The following CNTNAP2 variants were observed in gnomAD, a reference collection of about 807,000 sequenced individuals.
CNTNAP2 encodes contactin associated protein 2.
A neutral mutation model predicts 155.2 loss-of-function variants in CNTNAP2; 98 were observed. That is an observed-to-expected ratio of 0.63 (90% CI 0.54 to 0.75). The LOEUF is 0.75. Ranked by LOEUF, CNTNAP2 falls within the 30% of genes least tolerant of loss-of-function variation. The pLI is 0.00. For missense variants in CNTNAP2, 1,727 were observed against 1,688.1 expected, an observed-to-expected ratio of 1.02 and a Z score of -0.40; for synonymous variants, 651 against 631.2, an observed-to-expected ratio of 1.03 and a Z score of -0.47.
chr7:146,787,692 G>A (rs547138262), intron 2 of CNTNAP2, among the ~76,000 whole-genome samples: 3 of 152,282 alleles, frequency 2.0e-5, no homozygotes, highest in African/African-American at 4.8e-5. Context: ...GCTGGCTGGG[G>A]TGGCCTGCTT....
chr7:147,050,289 A>G (rs550846802), intron 4 of CNTNAP2, among the ~76,000 whole-genome samples: 2 of 152,340 alleles, frequency 1.3e-5, no homozygotes, highest in South Asian at 4.1e-4. Flanking sequence ...TTACTCAAAC[A>G]TTCATTTTAA....
At chr7:147,941,600 T>G (rs1800723022) in intron 14 of CNTNAP2, among the ~76,000 whole-genome samples, 1 of 152,232 alleles carries the variant, frequency 6.6e-6, no homozygotes, top group African/African-American at 2.4e-5. Context: ...CACAAACATG[T>G]CGATTCTCTT....
intron 9 of CNTNAP2, among the ~76,000 whole-genome samples, chr7:147,381,550 G>T (rs982352672): frequency 1.3e-5 from 2 of 152,008 alleles, no homozygotes; most frequent in South Asian, 4.2e-4. Context: ...ACACAACTAG[G>T]TCATGAAAAA....
intron 13 of CNTNAP2, among the ~76,000 whole-genome samples, chr7:147,702,717 T>A (rs1031906719): frequency 6.6e-6 from 1 of 152,068 alleles, no homozygotes; most frequent in African/African-American, 2.4e-5. Context: ...TCGTTAATGT[T>A]TGGGTCTGCA....
At chr7:147,193,115 A>T (rs1191311923) in intron 8 of CNTNAP2, among the ~76,000 whole-genome samples, 1 of 152,208 alleles carries the variant, frequency 6.6e-6, no homozygotes, top group Admixed American at 6.5e-5. Context: ...TTAGTAGTTA[A>T]TTACTCGTTG....
rs188962516 is a variant in CNTNAP2 at position 146,320,228 on chromosome 7, C to A, written c.97+203255C>A. ...CATATATTTAATTTTGAATTTTTTT[C>A]TAGCTATAACCTGAACTTTGCAGAT... is the stretch of plus-strand genomic sequence containing the variant. On this transcript the variant is annotated intron_variant, in intron 1 of 23. Transcript: ENST00000361727. 2.0e-5 allele frequency among the ~76,000 whole-genome samples: 3 copies of A among 152,006 alleles called. No individual in the cohort carries two copies. In the East Asian group the frequency reaches 5.8e-4, roughly 29 times the overall value.
At chr7:148,280,349 G>C (rs1796950983) in intron 21 of CNTNAP2, among the ~76,000 whole-genome samples, 1 of 152,080 alleles carries the variant, frequency 6.6e-6, no homozygotes, top group Non-Finnish European at 1.5e-5. Flanking sequence ...TCTGCAGTGG[G>C]AATTATTCAT....
At chr7:148,022,048 ACT>A (rs1183420749) in intron 15 of CNTNAP2, among the ~76,000 whole-genome samples, 1 of 151,776 alleles carries the variant, frequency 6.6e-6, no homozygotes, top group African/African-American at 2.4e-5. Flanking sequence ...CTCCCTGGAC[ACT>A]CTCTTTCTAG....
chr7:148,374,052 A>G (rs1344570351), intron 21 of CNTNAP2, among the ~76,000 whole-genome samples: 1 of 152,168 alleles, frequency 6.6e-6, no homozygotes, highest in Non-Finnish European at 1.5e-5. Flanking sequence ...GAACCATCCA[A>G]TACACTTTCC....
At chr7:146,402,378 C>G (rs766503) in intron 1 of CNTNAP2, among the ~76,000 whole-genome samples, 81,288 of 151,924 alleles carry the variant, frequency 0.54, 25,435 homozygotes, top group African/African-American at 0.87. Flanking sequence ...AGATCAGAGA[C>G]AATCTCTCCT....
At chr7:148,143,066 C>A (rs1451164345) in intron 16 of CNTNAP2, among the ~76,000 whole-genome samples, 2 of 152,140 alleles carry the variant, frequency 1.3e-5, no homozygotes, top group East Asian at 3.8e-4. Context: ...TCTAAAATTA[C>A]CATTAAGACC....
intron 1 of CNTNAP2, among the ~76,000 whole-genome samples, chr7:146,749,246 C>T (rs73170314): frequency 0.16 from 24,384 of 151,766 alleles, 2,343 homozygotes; most frequent in East Asian, 0.37. Flanking sequence ...TGTATCTATA[C>T]ATATATGTGT....
chr7:146,335,323 G>A lies in CNTNAP2; in HGVS notation c.97+218350G>A, dbSNP rs553377583. The stretch of plus-strand genomic sequence containing the variant: ...TGAAAATGAATACATTTTATTACAT[G>A]TAAATTCTTAAGAGATGTAATTTTA... On this transcript the variant is annotated intron_variant, in intron 1 of 23. Coordinates refer to ENST00000361727, the MANE Select transcript of CNTNAP2 (RefSeq NM_014141.6). 4.6e-5 allele frequency among the ~76,000 whole-genome samples: 7 copies of A among 152,260 alleles called. No homozygotes were observed. In the South Asian group the frequency reaches 1.5e-3, roughly 32 times the overall value.
At chr7:147,235,529 T>C (rs1803781950) in intron 8 of CNTNAP2, among the ~76,000 whole-genome samples, 1 of 152,184 alleles carries the variant, frequency 6.6e-6, no homozygotes, top group Non-Finnish European at 1.5e-5. Flanking sequence ...CTTTGAAATA[T>C]AAATGCCTTC....
intron 15 of CNTNAP2, among the ~76,000 whole-genome samples, chr7:148,061,468 C>T (rs1231188976): frequency 1.3e-5 from 2 of 152,112 alleles, no homozygotes; most frequent in African/African-American, 4.8e-5. Context: ...AGTCTCCTGC[C>T]TCAGTTTCCC....
At chr7:148,325,504 C>T (rs79927015) in intron 21 of CNTNAP2, among the ~76,000 whole-genome samples, 3,076 of 152,300 alleles carry the variant, frequency 0.02, 49 homozygotes, top group Non-Finnish European at 0.036. Context: ...AGAATCTTGT[C>T]CATGCAAGCT....
At chr7:147,809,465 C>T (rs559283374) in intron 13 of CNTNAP2, among the ~76,000 whole-genome samples, 1 of 152,272 alleles carries the variant, frequency 6.6e-6, no homozygotes, top group South Asian at 2.1e-4. Context: ...CTTGCCCAAG[C>T]CCTCTCAGCA....
chr7:146,966,135 T>C (rs1797653191), intron 3 of CNTNAP2, among the ~76,000 whole-genome samples: 1 of 152,214 alleles, frequency 6.6e-6, no homozygotes, highest in African/African-American at 2.4e-5. Context: ...GGGATTGTCA[T>C]TGTCTCTGTA....
At chr7:146,678,865 C>G (rs1188848023) in intron 1 of CNTNAP2, among the ~76,000 whole-genome samples, 4 of 152,070 alleles carry the variant, frequency 2.6e-5, no homozygotes, top group Non-Finnish European at 5.9e-5. Context: ...CATTCTAATA[C>G]TTATAATAAA....
Sources: gnomAD v4.1 joint callset for allele counts (sites outside exome capture counted in the v4.1 genomes callset) on GRCh38, gnomAD v4.1.1 for gene constraint, MANE v1.5 for transcripts, NCBI Gene and HGNC (gene_info 2026-07-23, HGNC 2026-07-21) for gene names.